Variants in CUL2 observed in about 807,000 individuals in gnomAD.
CUL2 encodes the protein cullin 2.
A neutral mutation model predicts 110.2 loss-of-function variants in CUL2; 22 were observed. That is an observed-to-expected ratio of 0.20 (90% confidence interval 0.14 to 0.28). The LOEUF is 0.28. Among genes scored for constraint, CUL2 ranks in the 10% least tolerant of loss-of-function variants. CUL2 has a pLI of 1.00. For missense variants in CUL2, 631 were observed against 905.5 expected (o/e 0.70, Z 3.89); for synonymous variants, 279 against 293.2 (o/e 0.95, Z 0.49).
chr10:35,014,808 G>A (rs1373970541), intron 18 of CUL2, among the ~76,000 whole-genome samples: 13 of 152,092 alleles, frequency 8.5e-5, no homozygotes, highest in Admixed American at 8.5e-4. Flanking sequence ...ACTCCAACCT[G>A]GGTGGCACAG....
intron 8 of CUL2, among the ~76,000 whole-genome samples, chr10:35,039,421 ATC>A (rs1427293803): frequency 2.9e-5 from 4 of 137,180 alleles, no homozygotes; most frequent in Non-Finnish European, 5.0e-5. Flanking sequence ...AGAACAGGTG[ATC>A]TCTGTTATGA....
At chr10:35,096,236 C>G (rs977499956) in intron 2 of CUL2, among the ~76,000 whole-genome samples, 2 of 150,750 alleles carry the variant, frequency 1.3e-5, no homozygotes, top group African/African-American at 4.8e-5. Context: ...GAGTAAGGCT[C>G]TGTCTCAGAA....
chr10:35,029,021 T>C lies in CUL2; in HGVS notation c.1540-134A>G, dbSNP rs2085403313. On this transcript the variant is annotated intron_variant, in intron 15 of 20. Transcript: ENST00000374749. The stretch of plus-strand genomic sequence containing the variant: ...AATGTTGATGAAATCTGAGTATTTC[T>C]ATCATGGCACATTTCATTCCAAACC... 1.5e-5 allele frequency: 9 copies of C among 592,680 alleles called. No individual in the cohort carries two copies. In the South Asian group the frequency reaches 2.1e-4, roughly 14 times the overall value. The allele number at this position is 592,680 out of a possible 1,614,324, so 36.7% of individuals were successfully genotyped here. A position where few individuals can be genotyped will look rare whatever the true frequency, so the allele number is the denominator to read the frequency against.
intron 5 of CUL2, among the ~76,000 whole-genome samples, chr10:35,051,631 A>AACG (rs1435652212): frequency 6.6e-5 from 10 of 151,960 alleles, no homozygotes; most frequent in African/African-American, 1.2e-4. Flanking sequence ...CAACAACAAC[A>AACG]AAAAATAGTG....
At chr10:35,110,277 A>G (rs898937565) in intron 1 of CUL2, among the ~76,000 whole-genome samples, 4 of 152,130 alleles carry the variant, frequency 2.6e-5, no homozygotes, top group Admixed American at 1.3e-4. Context: ...AAAGAATAGA[A>G]ATTTATCCAG....
chr10:35,017,560 G>T (rs2085067474), intron 17 of CUL2, among the ~76,000 whole-genome samples: 1 of 151,986 alleles, frequency 6.6e-6, no homozygotes, highest in Non-Finnish European at 1.5e-5. Context: ...CGGGCATGAT[G>T]GCATATGCCT....
chr10:35,010,409 T>C lies in CUL2; in HGVS notation c.2140A>G (p.Ser714Gly). The change falls in exon 21 of 21, where the codon AGT becomes GGT. Residue 714 changes from serine to glycine, a missense_variant. This residue lies in a region of CUL2 where 159 missense variants were observed against 202.7 expected (regional missense o/e 0.78). Transcript: ENST00000374749. ...ISQSRARFNP[S>G]ISMIKKCIEV... ...ATACACTTCTTAATCATGCTGATAC[T>C]GGGATTAAACCTAGCTCTTGACTGG... 2 of 1,612,532 alleles carry C rather than the reference T, an allele frequency of 1.2e-6. No individual in the cohort carries two copies. Among genetic ancestry groups the C allele is most frequent in the Non-Finnish European group, 1.7e-6 (2 of 1,179,290 alleles).
chr10:35,072,198 G>C (rs565678010), intron 1 of CUL2, among the ~76,000 whole-genome samples: 1 of 151,978 alleles, frequency 6.6e-6, no homozygotes, highest in East Asian at 1.9e-4. Context: ...TTATGGAGTA[G>C]AATATAAAAT....
chr10:35,013,893 C>CA, intron 18 of CUL2, 93 bp from the exon 19 acceptor site: 1 of 864,038 alleles, frequency 1.2e-6, no homozygotes, highest in Non-Finnish European at 1.6e-6. Context: ...AATGACCAAG[C>CA]AAAAAAGCCT....
intron 18 of CUL2, among the ~76,000 whole-genome samples, chr10:35,015,890 C>T (rs1484798692): frequency 1.3e-5 from 2 of 152,156 alleles, no homozygotes; most frequent in Non-Finnish European, 2.9e-5. Flanking sequence ...TCTTTAAAGG[C>T]TAGTTTCAAA....
At position 35,008,968 on chromosome 10, in the gene CUL2, C is replaced by G. The variant is rs1271352652; in HGVS notation, c.*1343G>C. Reference sequence around the variant, plus strand: ...TGTTGGATGGATGCAGTGGCTCATGCTTGTAATCCCAGCACTTTGGGAGAC... The same window carrying G: ...TGTTGGATGGATGCAGTGGCTCATGGTTGTAATCCCAGCACTTTGGGAGAC... On this transcript the variant is annotated 3_prime_UTR_variant, in exon 21 of 21. Transcript: ENST00000374749. The G allele has an allele frequency of 2.0e-5, 3 of 151,804 alleles. No homozygotes were observed. Among genetic ancestry groups the G allele is most frequent in the Non-Finnish European group, 4.4e-5 (3 of 67,964 alleles). The allele number at this position is 151,804 out of a possible 1,614,324, so 9.4% of individuals were successfully genotyped here.
At chr10:35,018,090 A>G (rs1195328262) in intron 17 of CUL2, among the ~76,000 whole-genome samples, 1 of 145,996 alleles carries the variant, frequency 6.8e-6, no homozygotes, top group Admixed American at 7.0e-5. Context: ...GGAGATCGAG[A>G]CCACGGTGAA....
intron 1 of CUL2, chr10:35,074,280 C>G: frequency 7.7e-7 from 1 of 1,303,582 alleles, no homozygotes; most frequent in South Asian, 1.3e-5. Context: ...TTGGGCTCAA[C>G]TGCAACATGG....
chr10:35,025,840 A>T (rs557862448), intron 16 of CUL2, among the ~76,000 whole-genome samples: 1 of 152,358 alleles, frequency 6.6e-6, no homozygotes, highest in Non-Finnish European at 1.5e-5. Flanking sequence ...ACTGGATGTG[A>T]AAAAGATAAA....
chr10:35,068,588 T>C (rs963674192), intron 2 of CUL2, among the ~76,000 whole-genome samples: 1 of 152,188 alleles, frequency 6.6e-6, no homozygotes, highest in African/African-American at 2.4e-5. Context: ...GATAATGTAA[T>C]TGCTTGCATT....
chr10:35,010,107 G>T lies in CUL2; in HGVS notation c.*204C>A. ...ACTCATTCTTTTAATAAAGTTTTAA[G>T]AAATGTCATAATGACATGAGCTTGA... On this transcript the variant is annotated 3_prime_UTR_variant, in exon 21 of 21. Coordinates refer to ENST00000374749, the MANE Select transcript of CUL2 (RefSeq NM_003591.4). 3.0e-6 allele frequency: 1 copy of T among 333,958 alleles called. No homozygotes were observed. Among genetic ancestry groups the T allele is most frequent in the Non-Finnish European group, 5.2e-6 (1 of 193,896 alleles). The allele number at this position is 333,958 out of a possible 1,614,324, so 20.7% of individuals were successfully genotyped here. A position where few individuals can be genotyped will look rare whatever the true frequency, so the allele number is the denominator to read the frequency against.
At chr10:35,068,048 T>C (rs1234080280) in intron 2 of CUL2, among the ~76,000 whole-genome samples, 1 of 147,784 alleles carries the variant, frequency 6.8e-6, no homozygotes, top group Non-Finnish European at 1.5e-5. Context: ...AGGCGGAGCT[T>C]GCAGTGAGCC....
intron 6 of CUL2, among the ~76,000 whole-genome samples, chr10:35,048,501 G>A (rs1206348637): frequency 1.3e-5 from 2 of 152,170 alleles, no homozygotes; most frequent in Non-Finnish European, 2.9e-5. Flanking sequence ...AAGTATAACA[G>A]TATTGTCATT....
chr10:35,060,185 T>C (rs2086346433), intron 4 of CUL2, among the ~76,000 whole-genome samples: 1 of 151,962 alleles, frequency 6.6e-6, no homozygotes, highest in Non-Finnish European at 1.5e-5. Flanking sequence ...GGAGGATTGC[T>C]AGGGCCCAGG....
Sources: gnomAD v4.1 joint callset for allele counts (sites outside exome capture counted in the v4.1 genomes callset) on GRCh38, gnomAD v4.1.1 for gene constraint, gnomAD v4.1.1 regional missense constraint, MANE v1.5 for transcripts, NCBI Gene and HGNC (gene_info 2026-07-23, HGNC 2026-07-21) for gene names.